The following TTC28 variants were observed in gnomAD, a reference collection of about 807,000 sequenced individuals.
TTC28 encodes the protein tetratricopeptide repeat protein 28.
A neutral mutation model predicts 198.0 loss-of-function variants in TTC28; 61 were observed. The ratio of observed to expected loss-of-function variants is 0.31; its 90% CI spans 0.25 to 0.38. The LOEUF (loss-of-function observed/expected upper bound fraction) is 0.38, where lower values mean the gene tolerates loss of function less well. Ranked by LOEUF, TTC28 falls within the 10% of genes least tolerant of loss-of-function variation. TTC28 has a pLI of 1.00. For synonymous variants in TTC28, 1,171 were observed against 1,297.8 expected (o/e 0.90, Z 2.10); for missense variants, 2,678 against 3,164.0 (o/e 0.85, Z 3.69).
intron 21 of TTC28, 37 bp from the exon 22 acceptor site, chr22:27,985,393 G>T: frequency 6.7e-7 from 1 of 1,493,208 alleles, no homozygotes; most frequent in South Asian, 1.2e-5. Flanking sequence ...TGCTTCCTTC[G>T]GGAAGATTCC....
In TTC28 at chr22:28,089,629, C is replaced by T. The variant is rs1020420346; in HGVS notation, c.3932+4451G>A. 5.5e-5 allele frequency among the ~76,000 whole-genome samples: 8 copies of T among 146,456 alleles called. No homozygotes were observed. In the East Asian group the frequency reaches 6.0e-4, roughly 11 times the overall value. ...TGTATACATATGTAACTAACCTGCACGTTGTGCACATATACCCTAAAACTT... is the reference window on the plus strand; with the variant it reads ...TGTATACATATGTAACTAACCTGCATGTTGTGCACATATACCCTAAAACTT... On this transcript the variant is annotated intron_variant, in intron 12 of 22. Coordinates refer to ENST00000397906, the MANE Select transcript of TTC28 (RefSeq NM_001145418.2).
chr22:28,070,357 C>T (rs1940919585), intron 12 of TTC28, among the ~76,000 whole-genome samples: 1 of 152,166 alleles, frequency 6.6e-6, no homozygotes, highest in African/African-American at 2.4e-5. Context: ...ACACAAGGTG[C>T]TGAGATAGAC....
intron 5 of TTC28, among the ~76,000 whole-genome samples, chr22:28,294,394 GT>G (rs1673794235): frequency 6.6e-6 from 1 of 152,052 alleles, no homozygotes; most frequent in Admixed American, 6.5e-5. Flanking sequence ...CATTCCTCCT[GT>G]TTAACATCTA....
intron 1 of TTC28, among the ~76,000 whole-genome samples, chr22:28,670,397 C>G (rs925582833): frequency 6.6e-6 from 1 of 152,090 alleles, no homozygotes; most frequent in Non-Finnish European, 1.5e-5. Context: ...ATGCATTTGT[C>G]TATGCTTAAC....
intron 2 of TTC28, among the ~76,000 whole-genome samples, chr22:28,576,968 T>C (rs1699069789): frequency 6.6e-6 from 1 of 152,092 alleles, no homozygotes; most frequent in African/African-American, 2.4e-5. Flanking sequence ...TTCACTTTCA[T>C]TTATTTCTGC....
At chr22:28,626,508 T>C (rs984938502) in intron 2 of TTC28, among the ~76,000 whole-genome samples, 3 of 151,998 alleles carry the variant, frequency 2.0e-5, no homozygotes, top group African/African-American at 7.2e-5. Context: ...GAAAAAGGAA[T>C]TGACAAAATT....
intron 2 of TTC28, among the ~76,000 whole-genome samples, chr22:28,361,465 A>G (rs1216912268): frequency 6.6e-6 from 1 of 152,158 alleles, no homozygotes; most frequent in Non-Finnish European, 1.5e-5. Context: ...ATTCAGTTCT[A>G]TGAAGTCTGA....
At chr22:28,011,725 G>A (rs1938173997) in intron 14 of TTC28, among the ~76,000 whole-genome samples, 1 of 152,076 alleles carries the variant, frequency 6.6e-6, no homozygotes, top group South Asian at 2.1e-4. Flanking sequence ...GGTGGGGAGG[G>A]GAATGAAGGG....
At position 28,060,090 on chromosome 22, in the gene TTC28, T is replaced by A. The variant is rs550652456; in HGVS notation, c.3933-29724A>T. Among the ~76,000 whole-genome samples, 430 of 152,016 alleles carry A rather than the reference T, an allele frequency of 2.8e-3. 1 individual carries two copies. Among genetic ancestry groups the A allele is most frequent in the Middle Eastern group, 0.02 (6 of 294 alleles). On this transcript the variant is annotated intron_variant, in intron 12 of 22. Transcript: ENST00000397906. ...AATGAAAGTACTCAACTTTTTTTTT[T>A]AAAAAGATCCTTTTGTTATTATTAT...
intron 21 of TTC28, chr22:27,985,917 C>G (rs1478982211): frequency 6.5e-6 from 1 of 154,756 alleles, no homozygotes; most frequent in African/African-American, 2.4e-5. Flanking sequence ...GTGCTGCTCC[C>G]TAATTCTAAG....
At chr22:28,080,256 T>C (rs1002923088) in intron 12 of TTC28, among the ~76,000 whole-genome samples, 2 of 152,236 alleles carry the variant, frequency 1.3e-5, no homozygotes, top group African/African-American at 4.8e-5. Flanking sequence ...TTTAGAGGAA[T>C]GTCCATACTG....
At chr22:28,150,245 C>T (rs1372068958) in intron 6 of TTC28, among the ~76,000 whole-genome samples, 1 of 152,170 alleles carries the variant, frequency 6.6e-6, no homozygotes, top group African/African-American at 2.4e-5. Flanking sequence ...TTACCAGAGC[C>T]TATGAAACAT....
Position 28,540,028 on chromosome 22 carries a change from T to C in TTC28, c.381+89524A>G, listed in dbSNP as rs2049378713. ...GGCACGATCTCGGCTCACTGCAAGTTCCGCCTCCTGGGTTCACGCCATTCT... is the reference window on the plus strand; with the variant it reads ...GGCACGATCTCGGCTCACTGCAAGTCCCGCCTCCTGGGTTCACGCCATTCT... On this transcript the variant is annotated intron_variant, in intron 2 of 22. Coordinates refer to ENST00000397906, the MANE Select transcript of TTC28 (RefSeq NM_001145418.2). Among the ~76,000 whole-genome samples, 3 of 149,688 alleles carry C rather than the reference T, an allele frequency of 2.0e-5. No individual in the cohort carries two copies. In the Admixed American group the frequency reaches 2.0e-4, roughly 10 times the overall value.
intron 2 of TTC28, among the ~76,000 whole-genome samples, chr22:28,353,450 A>G (rs942002719): frequency 2.8e-4 from 43 of 152,230 alleles, no homozygotes; most frequent in African/African-American, 9.9e-4. Flanking sequence ...AAAACTTACT[A>G]TAAAGCAATG....
At chr22:28,631,554 T>C (rs949690319) in intron 1 of TTC28, among the ~76,000 whole-genome samples, 4 of 152,118 alleles carry the variant, frequency 2.6e-5, no homozygotes, top group African/African-American at 7.2e-5. Flanking sequence ...GACAGGGTCT[T>C]GCTCTGTCAC....
intron 2 of TTC28, among the ~76,000 whole-genome samples, chr22:28,383,113 C>G (rs1308536817): frequency 1.3e-5 from 2 of 152,164 alleles, no homozygotes; most frequent in Non-Finnish European, 2.9e-5. Context: ...GTACTGTACA[C>G]AAGAGATTGG....
At chr22:28,565,399 G>T (rs1276909835) in intron 2 of TTC28, among the ~76,000 whole-genome samples, 3 of 152,116 alleles carry the variant, frequency 2.0e-5, no homozygotes, top group African/African-American at 7.2e-5. Flanking sequence ...ACTATCAAAA[G>T]GGATTCCTTG....
chr22:28,087,190 C>T (rs1171531676), intron 12 of TTC28, among the ~76,000 whole-genome samples: 8 of 151,998 alleles, frequency 5.3e-5, no homozygotes, highest in Admixed American at 2.6e-4. Context: ...ATACCAAAGC[C>T]GGGCAGAGAC....
At chr22:28,454,206 T>C (rs2047825154) in intron 2 of TTC28, among the ~76,000 whole-genome samples, 2 of 152,348 alleles carry the variant, frequency 1.3e-5, no homozygotes, top group South Asian at 2.1e-4. Flanking sequence ...AGCCACTTAT[T>C]ACAATTTGAA....
Sources: allele counts gnomAD v4.1 joint callset (sites outside exome capture counted in the v4.1 genomes callset), GRCh38; gene constraint gnomAD v4.1.1; transcripts MANE v1.5; gene names NCBI Gene and HGNC (gene_info 2026-07-23, HGNC 2026-07-21).